Variants in SEC31A observed in about 807,000 individuals in gnomAD.
SEC31A encodes protein transport protein Sec31A.
A neutral mutation model predicts 151.0 loss-of-function variants in SEC31A; 70 were observed. The observed-to-expected ratio is 0.46, with a 90% CI of 0.38 to 0.57. The LOEUF (loss-of-function observed/expected upper bound fraction) is 0.57, where lower values mean the gene tolerates loss of function less well. Among genes scored for constraint, SEC31A ranks in the 20% least tolerant of loss-of-function variants. The pLI, the probability that SEC31A is intolerant of heterozygous loss-of-function variation, is 0.00. For synonymous variants in SEC31A, 475 were observed against 505.9 expected, an observed-to-expected ratio of 0.94 and a Z score of 0.82; for missense variants, 1,330 against 1,471.2, an observed-to-expected ratio of 0.90 and a Z score of 1.57.
chr4:82,855,178 T>G, intron 16 of SEC31A, 149 bp from the exon 17 acceptor site: 1 of 668,446 alleles, frequency 1.5e-6, no homozygotes, highest in Non-Finnish European at 2.4e-6. Flanking sequence ...ATAATGGTAT[T>G]ATTGTTCCTC....
chr4:82,880,179 A>T (rs895533846), intron 3 of SEC31A, among the ~76,000 whole-genome samples: 1 of 149,984 alleles, frequency 6.7e-6, no homozygotes, highest in Non-Finnish European at 1.5e-5. Context: ...GTGAAACTCC[A>T]TCTCAAAAAA....
At chr4:82,873,831 G>T (rs1468376365) in intron 6 of SEC31A, among the ~76,000 whole-genome samples, 1 of 151,966 alleles carries the variant, frequency 6.6e-6, no homozygotes, top group Non-Finnish European at 1.5e-5. Flanking sequence ...TACCTAAAAG[G>T]TTCAGAATTT....
intron 1 of SEC31A, among the ~76,000 whole-genome samples, chr4:82,886,088 T>C (rs1171285770): frequency 1.3e-5 from 2 of 152,230 alleles, no homozygotes; most frequent in African/African-American, 4.8e-5. Context: ...CCAGAGTTCT[T>C]TCTACTTCCA....
chr4:82,861,136 C>A (rs777487471), intron 14 of SEC31A, among the ~76,000 whole-genome samples: 27 of 151,366 alleles, frequency 1.8e-4, no homozygotes, highest in Non-Finnish European at 3.2e-4. Context: ...TTCAAGGACT[C>A]TTCTCAATTA....
chr4:82,860,878 C>G (rs756652607), intron 14 of SEC31A, among the ~76,000 whole-genome samples: 23 of 152,010 alleles, frequency 1.5e-4, no homozygotes, highest in Admixed American at 9.2e-4. Context: ...TTGCAATCAT[C>G]TTGTAATAGA....
chr4:82,895,046 C>T (rs1720002984), upstream of SEC31A: 1 of 152,220 alleles, frequency 6.6e-6, no homozygotes, highest in Admixed American at 6.5e-5. Flanking sequence ...TTCCCAGTTT[C>T]CTATCACCTT....
chr4:82,867,404 T>G, intron 8 of SEC31A, 88 bp from the exon 9 acceptor site: 1 of 1,099,248 alleles, frequency 9.1e-7, no homozygotes, highest in South Asian at 1.5e-5. Flanking sequence ...GGTCAACAAG[T>G]ATAGTTAAAT....
At chr4:82,880,599 A>G in intron 3 of SEC31A, 200 bp downstream of exon 3, 25 of 450,288 alleles carry the variant, frequency 5.6e-5, no homozygotes, top group East Asian at 1.2e-4. Context: ...AAAAAAAAAA[A>G]AGAAAAAAAA....
At chr4:82,886,817 A>G (rs1740832036) in intron 1 of SEC31A, among the ~76,000 whole-genome samples, 1 of 152,244 alleles carries the variant, frequency 6.6e-6, no homozygotes, top group Non-Finnish European at 1.5e-5. Flanking sequence ...ACATTCTACT[A>G]GCACATATTG....
At chr4:82,849,220 C>A (rs1212892000) in intron 19 of SEC31A, among the ~76,000 whole-genome samples, 3 of 152,138 alleles carry the variant, frequency 2.0e-5, no homozygotes, top group African/African-American at 7.2e-5. Context: ...TGAGTTATAC[C>A]TACCTCATGG....
In SEC31A at chr4:82,821,115, G is replaced by T. The variant is rs1442428763; in HGVS notation, c.3412-7C>A. The T allele has an allele frequency of 1.2e-6, 2 of 1,610,920 alleles. No homozygotes were observed. The highest frequency in any genetic ancestry group is 1.7e-6 in the Non-Finnish European group (2 of 1,177,842). On this transcript the variant is annotated splice_polypyrimidine_tract_variant and splice_region_variant and intron_variant, in intron 25 of 26. Coordinates refer to ENST00000395310, the MANE Select transcript of SEC31A (RefSeq NM_001077207.4). ...CTAGCTTCCTCTTGGTTTGCTGCAG[G>T]AAAGAAAAAATAGATGTTATATTTG...
chr4:82,820,378 T>TGA (rs2148890141), intron 26 of SEC31A, among the ~76,000 whole-genome samples: 1 of 152,290 alleles, frequency 6.6e-6, no homozygotes, highest in African/African-American at 2.4e-5. Context: ...CTGATGGAAC[T>TGA]GAGTGTGGGG....
intron 22 of SEC31A, among the ~76,000 whole-genome samples, chr4:82,830,469 A>G (rs1725687648): frequency 6.6e-6 from 1 of 152,234 alleles, no homozygotes; most frequent in South Asian, 2.1e-4. Context: ...CAAAAAAGTA[A>G]AAAATAAAAA....
chr4:82,868,699 C>CT (rs913663723), intron 8 of SEC31A, among the ~76,000 whole-genome samples: 5 of 151,794 alleles, frequency 3.3e-5, no homozygotes, highest in African/African-American at 7.2e-5. Flanking sequence ...TTTCCTTTTT[C>CT]TTTTTTTTAT....
intron 1 of SEC31A, 175 bp downstream of exon 1, chr4:82,890,913 C>T (rs1719591161): frequency 1.4e-6 from 2 of 1,414,008 alleles, no homozygotes; most frequent in Non-Finnish European, 1.8e-6. Context: ...GTCCAGATGC[C>T]AGGCGTTGTT....
intron 16 of SEC31A, 143 bp downstream of exon 16, chr4:82,856,809 C>T (rs1732789215): frequency 1.4e-6 from 1 of 690,762 alleles, no homozygotes; most frequent in Non-Finnish European, 2.3e-6. Context: ...AAAATGCCAA[C>T]AACTATTTCC....
At chr4:82,871,339 AG>A (rs1409767450) in intron 7 of SEC31A, 4 of 1,502,746 alleles carry the variant, frequency 2.7e-6, no homozygotes, top group Non-Finnish European at 3.6e-6. Flanking sequence ...CACACACACA[AG>A]TAACGTAGGT....
At chr4:82,828,903 C>A in intron 23 of SEC31A, 97 bp downstream of exon 23, 1 of 878,370 alleles carries the variant, frequency 1.1e-6, no homozygotes, top group Non-Finnish European at 1.9e-6. Flanking sequence ...CAGTAAGCTT[C>A]GCCTTTAAAA....
Position 82,881,940 on chromosome 4 carries a change from G to A in SEC31A, c.-4C>T, listed in dbSNP as rs1453994942. ...GATCTACTTCCTTTAACTTCATCCT[G>A]CTAAAGGGAATATTTTATACAGAAA... is the stretch of plus-strand genomic sequence containing the variant. On this transcript the variant is annotated splice_region_variant and 5_prime_UTR_variant, in exon 2 of 27. Transcript: ENST00000395310. 2 of 1,612,390 alleles carry A rather than the reference G, an allele frequency of 1.2e-6. No homozygotes were observed. Among genetic ancestry groups the A allele is most frequent in the South Asian group, 1.1e-5 (1 of 91,032 alleles).
Sources: allele counts gnomAD v4.1 joint callset (sites outside exome capture counted in the v4.1 genomes callset), GRCh38; gene constraint gnomAD v4.1.1; transcripts MANE v1.5; gene names NCBI Gene and HGNC (gene_info 2026-07-23, HGNC 2026-07-21).